The following VCP variants were observed in gnomAD, a reference collection of about 807,000 sequenced individuals.
VCP encodes the protein transitional endoplasmic reticulum ATPase.
A neutral mutation model predicts 85.7 loss-of-function variants in VCP; 6 were observed. That is an observed-to-expected ratio of 0.07 (90% confidence interval 0.04 to 0.14). The LOEUF (loss-of-function observed/expected upper bound fraction) is 0.14, where lower values mean the gene tolerates loss of function less well. Ranked by LOEUF, VCP falls within the 10% of genes least tolerant of loss-of-function variation. The pLI is 1.00. For synonymous variants in VCP, 384 were observed against 367.1 expected (o/e 1.05, Z -0.53); for missense variants, 353 against 1,043.4 (o/e 0.34, Z 9.12).
At position 35,059,960 on chromosome 9, in the gene VCP, T is replaced by C. The variant is rs550079187; in HGVS notation, c.1696-159A>G. On this transcript the variant is annotated intron_variant, in intron 13 of 16. Transcript: ENST00000358901. The surrounding 1 kb of genome is among the most constrained non-coding windows in gnomAD (Gnocchi z 4.9). ...CCAGCATGGGCAACATACTGAGACT[T>C]TGTCTCTACAAAAAATAAAAAATTA... 1.1e-4 allele frequency: 100 copies of C among 894,892 alleles called. No homozygotes were observed. Among genetic ancestry groups the C allele is most frequent in the South Asian group, 4.4e-4 (27 of 61,502 alleles). 55.4% of individuals were successfully genotyped at this position (894,892 alleles called of 1,614,324 possible).
At chr9:35,064,313 G>A in intron 5 of VCP, 28 bp from the exon 6 acceptor site, 1 of 1,613,128 alleles carries the variant, frequency 6.2e-7, no homozygotes, top group Non-Finnish European at 8.5e-7. Flanking sequence ...AAAGAAAGGA[G>A]AAGGCAAGAA....
At chr9:35,072,149 C>A in intron 1 of VCP, 188 bp downstream of exon 1, 1 of 1,398,016 alleles carries the variant, frequency 7.2e-7, no homozygotes, top group Non-Finnish European at 9.2e-7. Context: ...AGGGGGCGCG[C>A]GGGTGCGCAG....
Position 35,066,736 on chromosome 9 carries a change from A to G in VCP, c.384T>C (p.Gly128=), listed in dbSNP as rs367703031. The part of the protein sequence containing the change: ...PIDDTVEGIT[G]NLFEVYLKPY... The stretch of plus-strand genomic sequence containing the variant: ...GCTTAAGGTATACCTCGAAGAGATT[A>G]CCAGTAATGCCTTCCACTGTGTCAT... Residue 128 remains glycine (G), a synonymous_variant, in exon 4 of 17, where the codon GGT becomes GGC. Coordinates refer to ENST00000358901, the MANE Select transcript of VCP (RefSeq NM_007126.5). 41 of 1,614,064 alleles carry G rather than the reference A, an allele frequency of 2.5e-5. No individual in the cohort carries two copies. The highest frequency in any genetic ancestry group is 3.2e-5 in the Non-Finnish European group (38 of 1,180,046).
intron 4 of VCP, 29 bp downstream of exon 4, chr9:35,066,646 T>C (rs765474506): frequency 1.2e-6 from 2 of 1,612,346 alleles, no homozygotes; most frequent in Non-Finnish European, 1.7e-6. Flanking sequence ...CTACAGTCAA[T>C]AATCCTTAAG....
chr9:35,060,288 C>T (rs1828696785), intron 13 of VCP, 25 bp downstream of exon 13: 1 of 1,612,002 alleles, frequency 6.2e-7, no homozygotes, highest in Non-Finnish European at 8.5e-7. Context: ...CAAATCAATA[C>T]ATAGTTCAGC....
intron 1 of VCP, among the ~76,000 whole-genome samples, chr9:35,068,823 C>T (rs2131041721): frequency 6.6e-6 from 1 of 151,962 alleles, no homozygotes; most frequent in East Asian, 1.9e-4. Context: ...TGATGTCCTC[C>T]TCTATAAAAG....
intron 1 of VCP, chr9:35,072,102 C>T (rs1488874599): frequency 5.9e-6 from 8 of 1,344,946 alleles, no homozygotes; most frequent in Non-Finnish European, 7.6e-6. Flanking sequence ...CACGATCCGG[C>T]CCAGGCTCCG....
At chr9:35,062,902 G>T in intron 7 of VCP, 76 bp downstream of exon 7, 1 of 1,402,162 alleles carries the variant, frequency 7.1e-7, no homozygotes, top group Non-Finnish European at 1.0e-6. Flanking sequence ...AAAAGGATGT[G>T]TTCATAAGTG....
chr9:35,071,255 G>A (rs1385456793), intron 1 of VCP, among the ~76,000 whole-genome samples: 2 of 147,480 alleles, frequency 1.4e-5, no homozygotes, highest in African/African-American at 2.5e-5. Flanking sequence ...CTTCAAGGAA[G>A]GAAGGTAATT....
chr9:35,061,801 C>A, intron 9 of VCP, 112 bp from the exon 10 acceptor site: 1 of 1,385,348 alleles, frequency 7.2e-7, no homozygotes. Context: ...AATGCCAGCA[C>A]TAAAAAAGTC....
At chr9:35,061,506 T>A (rs2074549) in intron 10 of VCP, 71 bp downstream of exon 10, 21 of 1,397,598 alleles carry the variant, frequency 1.5e-5, no homozygotes, top group Middle Eastern at 1.8e-4. Context: ...CTTAACCTTA[T>A]GTCTCTAGCC....
At chr9:35,066,890 G>C (rs1828845039) in intron 3 of VCP, 73 bp from the exon 4 acceptor site, 1 of 1,609,160 alleles carries the variant, frequency 6.2e-7, no homozygotes, top group East Asian at 2.2e-5. Context: ...AAAAGGGCCT[G>C]GCACAGATAG....
intron 2 of VCP, 41 bp from the exon 3 acceptor site, chr9:35,068,104 C>T (rs766130580): frequency 2.0e-5 from 32 of 1,613,508 alleles, no homozygotes; most frequent in South Asian, 4.4e-5. Context: ...ATTGGGCTGA[C>T]GGGGAGTAAG....
In VCP at chr9:35,066,599, A is replaced by G. The variant is rs1242411538; in HGVS notation, c.445+76T>C. On this transcript the variant is annotated intron_variant, in intron 4 of 16. Coordinates refer to ENST00000358901, the MANE Select transcript of VCP (RefSeq NM_007126.5). ...AAAAGATTTAAAAAAAAAAAAAGAA[A>G]AAGAAAATGAGATAAAGATGTTCCA... is the stretch of plus-strand genomic sequence containing the variant. 2.6e-6 allele frequency: 4 copies of G among 1,534,656 alleles called. No individual in the cohort carries two copies. In the Admixed American group the frequency reaches 8.4e-5, roughly 32 times the overall value.
At chr9:35,061,875 G>C (rs559967108) in intron 9 of VCP, 128 bp downstream of exon 9, 1 of 1,545,500 alleles carries the variant, frequency 6.5e-7, no homozygotes, top group Admixed American at 1.8e-5. Flanking sequence ...TAGACAGGAC[G>C]TAGGGTAAAG....
chr9:35,072,435 G>A lies in VCP; in HGVS notation c.-82C>T. ...GGTGGCAAGCGACCGACTGGGCCGGGGCTCGGCTCTTCCAGGCGGTGGGCG... is the reference window on the plus strand; with the variant it reads ...GGTGGCAAGCGACCGACTGGGCCGGAGCTCGGCTCTTCCAGGCGGTGGGCG... On this transcript the variant is annotated 5_prime_UTR_variant, in exon 1 of 17. Coordinates refer to ENST00000358901, the MANE Select transcript of VCP (RefSeq NM_007126.5). 4 of 1,406,646 alleles carry A rather than the reference G, an allele frequency of 2.8e-6. No homozygotes were observed. The highest frequency in any genetic ancestry group is 2.0e-4 in the Middle Eastern group (1 of 5,122). The allele number at this position is 1,406,646 out of a possible 1,614,324, so 87.1% of individuals were successfully genotyped here. A position where few individuals can be genotyped will look rare whatever the true frequency, so the allele number is the denominator to read the frequency against.
intron 9 of VCP, 104 bp from the exon 10 acceptor site, chr9:35,061,793 T>C: frequency 2.2e-6 from 3 of 1,376,082 alleles, no homozygotes; most frequent in African/African-American, 1.4e-5. Flanking sequence ...ATTGTCCTAA[T>C]GCCAGCACTA....
chr9:35,060,277 G>A (rs1399702409), intron 13 of VCP, 36 bp downstream of exon 13: 1 of 1,609,310 alleles, frequency 6.2e-7, no homozygotes, highest in Non-Finnish European at 8.5e-7. Context: ...TTGCCCTCAG[G>A]CAAATCAATA....
Position 35,065,396 on chromosome 9 carries a change from A to G in VCP, c.446-15T>C, listed in dbSNP as rs374074931. On this transcript the variant is annotated splice_polypyrimidine_tract_variant and intron_variant, in intron 4 of 16. Coordinates refer to ENST00000358901, the MANE Select transcript of VCP (RefSeq NM_007126.5). ...AAAAATGTCTCCTGCGAGAGCAAAC[A>G]GTACAAGCACAGTTAGAGGTGTCAA... 3.0e-5 allele frequency: 49 copies of G among 1,614,006 alleles called. No homozygotes were observed. In the Admixed American group the frequency reaches 4.3e-4, roughly 14 times the overall value.
Sources: allele counts gnomAD v4.1 joint callset (sites outside exome capture counted in the v4.1 genomes callset), GRCh38; gene constraint gnomAD v4.1.1; non-coding constraint Gnocchi (gnomAD v3.1); transcripts MANE v1.5; gene names NCBI Gene and HGNC (gene_info 2026-07-23, HGNC 2026-07-21).